Variants in ACBD6 observed in about 807,000 individuals in gnomAD.
ACBD6 encodes acyl-CoA-binding domain-containing protein 6.
In ACBD6, 28 loss-of-function variants were observed where a neutral mutation model predicts 37.2. The ratio of observed to expected loss-of-function variants is 0.75; its 90% CI spans 0.56 to 1.03. The LOEUF is 1.03. Among genes scored for constraint, ACBD6 ranks in the 50% least tolerant of loss-of-function variants. The pLI, the probability that ACBD6 is intolerant of heterozygous loss-of-function variation, is 0.00. For synonymous variants in ACBD6, 113 were observed against 126.8 expected, an observed-to-expected ratio of 0.89 and a Z score of 0.73; for missense variants, 340 against 337.4, an observed-to-expected ratio of 1.01 and a Z score of -0.06.
At chr1:180,482,079 A>C (rs201914724) in intron 3 of ACBD6, among the ~76,000 whole-genome samples, 1 of 152,344 alleles carries the variant, frequency 6.6e-6, no homozygotes, top group East Asian at 1.9e-4. Context: ...TTAGATATGA[A>C]TAACAAGAAA....
intron 3 of ACBD6, chr1:180,435,710 A>G: frequency 1.2e-6 from 1 of 858,690 alleles, no homozygotes; most frequent in South Asian, 1.3e-5. Flanking sequence ...GACCGCTGTC[A>G]ATCTCGCCTG....
intron 6 of ACBD6, among the ~76,000 whole-genome samples, chr1:180,345,952 CA>C (rs1231019105): frequency 6.6e-6 from 1 of 152,078 alleles, no homozygotes; most frequent in African/African-American, 2.4e-5. Context: ...TACAATGTAG[CA>C]AAACCTAGCC....
At chr1:180,320,260 T>C (rs1272287088) in intron 6 of ACBD6, among the ~76,000 whole-genome samples, 1 of 152,252 alleles carries the variant, frequency 6.6e-6, no homozygotes, top group African/African-American at 2.4e-5. Flanking sequence ...ATCAATGATA[T>C]TGACCACCTT....
At chr1:180,344,201 T>A (rs756190788) in intron 6 of ACBD6, among the ~76,000 whole-genome samples, 2 of 152,022 alleles carry the variant, frequency 1.3e-5, no homozygotes, top group African/African-American at 2.4e-5. Context: ...CAGAGCCTAA[T>A]GGTAATTAGA....
chr1:180,448,575 A>T (rs1468310533), intron 3 of ACBD6, among the ~76,000 whole-genome samples: 2 of 152,138 alleles, frequency 1.3e-5, no homozygotes, highest in Non-Finnish European at 2.9e-5. Flanking sequence ...TCTTAGTATG[A>T]AGCTTTATAC....
At chr1:180,353,785 C>CAAAAAAAAAAA (rs56286672) in intron 6 of ACBD6, among the ~76,000 whole-genome samples, 1 of 19,732 alleles carries the variant, frequency 5.1e-5, no homozygotes, top group African/African-American at 2.9e-4. Context: ...TTAACAACCA[C>CAAAAAAAAAAA]AAAAAAAAAA....
chr1:180,429,981 T>G (rs1207242090), intron 4 of ACBD6, among the ~76,000 whole-genome samples, 199 bp downstream of exon 4: 1 of 152,168 alleles, frequency 6.6e-6, no homozygotes, highest in African/African-American at 2.4e-5. Flanking sequence ...ACCTAAAAAA[T>G]TATTTCCTGT....
chr1:180,402,329 G>A (rs535161641), intron 5 of ACBD6, among the ~76,000 whole-genome samples: 3 of 152,256 alleles, frequency 2.0e-5, no homozygotes, highest in African/African-American at 7.2e-5. Flanking sequence ...ATTATACCTA[G>A]CATGGAAGCC....
At chr1:180,287,454 A>T (rs1649541582), downstream of ACBD6, 1 of 151,616 alleles carries the variant, frequency 6.6e-6, no homozygotes, top group Admixed American at 6.6e-5. Context: ...CTATCCTTTA[A>T]ATTAAAATGA....
At chr1:180,338,085 C>T (rs1049852575) in intron 6 of ACBD6, among the ~76,000 whole-genome samples, 4 of 152,160 alleles carry the variant, frequency 2.6e-5, no homozygotes, top group East Asian at 1.9e-4. Context: ...GAATCAATAC[C>T]GTGAAAATGG....
exon 10 of ACBD6, chr1:180,274,799 A>G: frequency 1.8e-6 from 1 of 558,604 alleles, no homozygotes; most frequent in Non-Finnish European, 3.1e-6. Context: ...AACACAGCAC[A>G]GGGGGTAATG....
rs1212774044 is a variant in ACBD6, at chr1:180,492,343, C to A, written c.310G>T (p.Asp104Tyr). 4.3e-6 allele frequency: 7 copies of A among 1,614,000 alleles called. No individual in the cohort carries two copies. In the South Asian group the frequency reaches 7.7e-5, roughly 18 times the overall value. ...QKWEAWKALG[D>Y]SSPSQAMQEY... is the part of the protein sequence containing the mutation. ...TGCATTGCTTGGCTGGGGCTTGAAT[C>A]ACCAAGTGCTTTCCAAGCTTCCCTA... The change falls in exon 3 of 8, where the codon GAT becomes TAT. Residue 104 changes from aspartate to tyrosine, a missense_variant. By Grantham distance (160) the Asp-to-Tyr change is radical. Transcript: ENST00000367595.
chr1:180,294,690 A>G (rs1289595523), intron 7 of ACBD6, among the ~76,000 whole-genome samples: 1 of 150,162 alleles, frequency 6.7e-6, no homozygotes, highest in Non-Finnish European at 1.5e-5. Flanking sequence ...GAAACTGGTA[A>G]TTTGCCTTTT....
intron 7 of ACBD6, among the ~76,000 whole-genome samples, chr1:180,289,038 T>TAAAAAAAAAAAAAAAAAAAAAAA (rs11353397): frequency 9.7e-6 from 1 of 102,966 alleles, no homozygotes; most frequent in African/African-American, 3.6e-5. Context: ...CTACAGGAAC[T>TAAAAAAAAAAAAAAAAAAAAAAA]AAAAAAAAAA....
intron 3 of ACBD6, among the ~76,000 whole-genome samples, chr1:180,480,460 G>A (rs1650986169): frequency 6.6e-6 from 1 of 152,184 alleles, no homozygotes; most frequent in African/African-American, 2.4e-5. Flanking sequence ...TCACTTGAAT[G>A]AACTCAGTAT....
At chr1:180,318,937 T>C (rs1461626191) in intron 6 of ACBD6, among the ~76,000 whole-genome samples, 10 of 152,134 alleles carry the variant, frequency 6.6e-5, no homozygotes. Context: ...CCTTGGAGAG[T>C]TGAGTTGCTT....
intron 6 of ACBD6, among the ~76,000 whole-genome samples, chr1:180,320,710 A>G (rs1158537347): frequency 1.3e-5 from 2 of 152,136 alleles, no homozygotes; most frequent in Non-Finnish European, 2.9e-5. Flanking sequence ...CCTTCTGGTT[A>G]TTAATCTCTT....
At chr1:180,404,129 T>C (rs1335770769) in intron 5 of ACBD6, among the ~76,000 whole-genome samples, 1 of 151,992 alleles carries the variant, frequency 6.6e-6, no homozygotes, top group African/African-American at 2.4e-5. Context: ...TTTTGTATTT[T>C]CAGTAGAAAC....
chr1:180,427,526 C>A (rs1648631880), intron 4 of ACBD6, among the ~76,000 whole-genome samples: 1 of 152,212 alleles, frequency 6.6e-6, no homozygotes, highest in South Asian at 2.1e-4. Context: ...TACATAACTT[C>A]AAGAAATAAC....
Sources: allele counts gnomAD v4.1 joint callset (sites outside exome capture counted in the v4.1 genomes callset), GRCh38; gene constraint gnomAD v4.1.1; transcripts MANE v1.5; gene names NCBI Gene and HGNC (gene_info 2026-07-23, HGNC 2026-07-21).